PRPSAP2: variants seen among roughly 807,000 people sequenced by gnomAD.
PRPSAP2 encodes phosphoribosyl pyrophosphate synthetase associated protein 2.
A neutral mutation model predicts 40.6 loss-of-function variants in PRPSAP2; 24 were observed. The observed-to-expected ratio is 0.59, with a 90% confidence interval of 0.43 to 0.83. The LOEUF (loss-of-function observed/expected upper bound fraction) is 0.83. Among genes scored for constraint, PRPSAP2 ranks in the 40% least tolerant of loss-of-function variants. PRPSAP2 has a pLI of 0.00. For synonymous variants in PRPSAP2, 149 were observed against 164.7 expected, an observed-to-expected ratio of 0.90 and a Z score of 0.73; for missense variants, 292 against 465.6, an observed-to-expected ratio of 0.63 and a Z score of 3.43.
chr17:18,924,404 T>C (rs2041858435), intron 10 of PRPSAP2, among the ~76,000 whole-genome samples: 1 of 152,244 alleles, frequency 6.6e-6, no homozygotes, highest in South Asian at 2.1e-4. Flanking sequence ...ATAATTCTTA[T>C]TAAATTTGTG....
chr17:18,892,727 G>GTGTGTATGTT (rs60288281), intron 8 of PRPSAP2, among the ~76,000 whole-genome samples: 4 of 126,702 alleles, frequency 3.2e-5, no homozygotes, highest in Non-Finnish European at 6.7e-5. Context: ...GTGTGTGTGT[G>GTGTGTATGTT]TATTTATTTA....
intron 9 of PRPSAP2, among the ~76,000 whole-genome samples, chr17:18,915,555 G>A (rs2041257095): frequency 6.6e-6 from 1 of 152,180 alleles, no homozygotes; most frequent in Admixed American, 6.5e-5. Flanking sequence ...AGTTTCTGGT[G>A]AGGGCCACAC....
At chr17:18,884,152 A>G (rs1455977285) in intron 7 of PRPSAP2, among the ~76,000 whole-genome samples, 1 of 152,140 alleles carries the variant, frequency 6.6e-6, no homozygotes, top group East Asian at 1.9e-4. Flanking sequence ...CTGTAATCCC[A>G]GTTACTTGGG....
chr17:18,877,893 A>T lies in PRPSAP2; in HGVS notation c.412+23A>T, dbSNP rs752245697. The T allele has an allele frequency of 1.9e-6, 3 of 1,567,320 alleles. No homozygotes were observed. The East Asian group carries it at 6.7e-5, about 35-fold the overall frequency. On this transcript the variant is annotated intron_variant, in intron 6 of 11. Coordinates refer to ENST00000268835, the MANE Select transcript of PRPSAP2 (RefSeq NM_002767.4). ...CTGGTAAGAATGGCAGATGTTTCAC[A>T]ATTAATTGGGGGCCTGGGAGTTTTA... is the stretch of plus-strand genomic sequence containing the variant.
chr17:18,880,864 C>T (rs866298960), intron 6 of PRPSAP2, among the ~76,000 whole-genome samples: 7 of 151,918 alleles, frequency 4.6e-5, no homozygotes, highest in Middle Eastern at 3.4e-3. Flanking sequence ...GATGGAGTCT[C>T]GCTCTGTCGC....
At chr17:18,892,868 G>C (rs1597635851) in intron 8 of PRPSAP2, among the ~76,000 whole-genome samples, 1 of 151,722 alleles carries the variant, frequency 6.6e-6, no homozygotes. Flanking sequence ...CTGAGTAGCT[G>C]GGATTACAGG....
At chr17:18,929,620 T>C (rs2042156031) in intron 11 of PRPSAP2, 1 of 152,204 alleles carries the variant, frequency 6.6e-6, no homozygotes, top group Non-Finnish European at 1.5e-5. Context: ...GTGTGGTCTT[T>C]TGTGTCTGGC....
intron 7 of PRPSAP2, among the ~76,000 whole-genome samples, chr17:18,884,320 C>G (rs374582172): frequency 7.3e-6 from 1 of 137,812 alleles, no homozygotes; most frequent in East Asian, 2.0e-4. Flanking sequence ...ATAATAGAGA[C>G]TTTAATTTTA....
At chr17:18,909,267 A>T (rs1283314455) in intron 8 of PRPSAP2, among the ~76,000 whole-genome samples, 5 of 121,558 alleles carry the variant, frequency 4.1e-5, no homozygotes, top group Admixed American at 3.0e-4. Context: ...TTTGAGATGG[A>T]GTCTCGCTCT....
At chr17:18,879,269 C>G (rs35911764) in intron 6 of PRPSAP2, among the ~76,000 whole-genome samples, 2 of 151,366 alleles carry the variant, frequency 1.3e-5, no homozygotes, top group South Asian at 4.2e-4. Flanking sequence ...CAGGTACTTA[C>G]TGTAGAATAA....
intron 5 of PRPSAP2, among the ~76,000 whole-genome samples, chr17:18,874,237 GTGTT>G (rs1220961135): frequency 1.3e-5 from 2 of 152,042 alleles, no homozygotes; most frequent in African/African-American, 4.8e-5. Flanking sequence ...TTTCCATTGT[GTGTT>G]TGTCCACAAA....
chr17:18,863,356 G>T (rs2037181202), intron 1 of PRPSAP2, among the ~76,000 whole-genome samples: 1 of 152,028 alleles, frequency 6.6e-6, no homozygotes, highest in African/African-American at 2.4e-5. Flanking sequence ...CTCACAAGGT[G>T]CTGGGATTAG....
chr17:18,892,884 G>A (rs1389524151), intron 8 of PRPSAP2, among the ~76,000 whole-genome samples: 2 of 151,490 alleles, frequency 1.3e-5, no homozygotes, highest in Non-Finnish European at 2.9e-5. Flanking sequence ...ACAGGCATGC[G>A]CCACCATGCC....
chr17:18,911,389 T>G lies in PRPSAP2; in HGVS notation c.733+138T>G. On this transcript the variant is annotated intron_variant, in intron 9 of 11. Transcript: ENST00000268835. The surrounding 1 kb of genome is among the most constrained non-coding windows in gnomAD (Gnocchi z 4.5). ...ATTAACACCTTTCTTGGCCAGATAG[T>G]AGCGAATGCATTTCTGATTACCTTG... 9.5e-7 allele frequency: 1 copy of G among 1,048,646 alleles called. No homozygotes were observed. The highest frequency in any genetic ancestry group is 1.3e-6 in the Non-Finnish European group (1 of 749,608). The allele number at this position is 1,048,646 out of a possible 1,614,324, so 65.0% of individuals were successfully genotyped here.
chr17:18,901,824 C>T (rs1470877790), intron 8 of PRPSAP2, among the ~76,000 whole-genome samples: 1 of 152,110 alleles, frequency 6.6e-6, no homozygotes, highest in African/African-American at 2.4e-5. Flanking sequence ...CTCTGTCATC[C>T]AGGCTGGAGT....
Position 18,930,718 on chromosome 17 carries a change from C to G in PRPSAP2, c.*20C>G, listed in dbSNP as rs539200746. On this transcript the variant is annotated 3_prime_UTR_variant, in exon 12 of 12. Transcript: ENST00000268835. The stretch of plus-strand genomic sequence containing the variant: ...GACTGAGTTTTCCTTTAGGAAAACT[C>G]CCGAGGGCCAAACTGGAAACATAAG... The G allele has an allele frequency of 6.3e-7, 1 of 1,596,520 alleles. No individual in the cohort carries two copies. Among genetic ancestry groups the G allele is most frequent in the Non-Finnish European group, 8.6e-7 (1 of 1,168,750 alleles).
chr17:18,892,688 A>AGTGT (rs3043879), intron 8 of PRPSAP2, among the ~76,000 whole-genome samples: 6,687 of 75,302 alleles, frequency 0.089, 524 homozygotes, highest in African/African-American at 0.2. Context: ...CAGCCTGTTG[A>AGTGT]GTGTGTGTGT....
intron 10 of PRPSAP2, among the ~76,000 whole-genome samples, chr17:18,926,187 AG>A (rs996664329): frequency 2.0e-5 from 3 of 152,058 alleles, no homozygotes; most frequent in Admixed American, 6.5e-5. Flanking sequence ...TATAGTAACA[AG>A]GTGCTGTGGA....
chr17:18,887,086 GC>G (rs1177169683), intron 7 of PRPSAP2, among the ~76,000 whole-genome samples: 1 of 151,502 alleles, frequency 6.6e-6, no homozygotes, highest in Non-Finnish European at 1.5e-5. Flanking sequence ...ACAGGCATGG[GC>G]CCCCATACCT....
Sources: allele counts gnomAD v4.1 joint callset (sites outside exome capture counted in the v4.1 genomes callset), GRCh38; gene constraint gnomAD v4.1.1; non-coding constraint Gnocchi (gnomAD v3.1); transcripts MANE v1.5; gene names NCBI Gene and HGNC (gene_info 2026-07-23, HGNC 2026-07-21).